The following PHF14 variants were observed in gnomAD, a reference collection of about 807,000 sequenced individuals.
PHF14 encodes PHD finger protein 14.
A neutral mutation model predicts 117.9 loss-of-function variants in PHF14; 55 were observed. The observed-to-expected ratio is 0.47, with a 90% CI of 0.38 to 0.58. PHF14 has a LOEUF of 0.58. Among genes scored for constraint, PHF14 ranks in the 20% least tolerant of loss-of-function variants. The pLI is 0.00. For synonymous variants in PHF14, 409 were observed against 368.6 expected (o/e 1.11, Z -1.26); for missense variants, 978 against 1,122.2 (o/e 0.87, Z 1.84).
At chr7:10,974,737 T>G (rs1781803676) in intron 1 of PHF14, 98 bp from the exon 2 acceptor site, 9 of 679,600 alleles carry the variant, frequency 1.3e-5, no homozygotes, top group African/African-American at 1.8e-5. Flanking sequence ...AGACAAAAAT[T>G]CCTTGTGCGA....
Position 11,036,418 on chromosome 7 carries a change from G to A in PHF14, c.1603G>A (p.Ala535Thr), listed in dbSNP as rs1784328398. 1 of 1,605,590 alleles carries A rather than the reference G, an allele frequency of 6.2e-7. No homozygotes were observed. The highest frequency in any genetic ancestry group is 1.3e-5 in the African/African-American group (1 of 74,814). ...REKQLSPEAQ[A>T]RINARLQQYR... ...AAATTTGAATACATTTCTTTTATAG[G>A]CAAGGATCAATGCCCGGCTTCAGCA... Residue 535 changes from alanine (A) to threonine (T), a missense_variant and splice_region_variant, in exon 9 of 18, where the codon GCA becomes ACA. Coordinates refer to ENST00000634607, the MANE Select transcript of PHF14 (RefSeq NM_001007157.2).
intron 4 of PHF14, among the ~76,000 whole-genome samples, chr7:11,005,109 T>G (rs1312188437): frequency 6.6e-6 from 1 of 152,174 alleles, no homozygotes; most frequent in East Asian, 1.9e-4. Flanking sequence ...GGTTTTTTTT[T>G]TCTATTTGTA....
chr7:11,106,038 A>G (rs1482286149), intron 16 of PHF14: 19 of 984,532 alleles, frequency 1.9e-5, no homozygotes, highest in African/African-American at 3.5e-5. Context: ...CAAAGCAGAC[A>G]TGTTTCAGGT....
intron 17 of PHF14, among the ~76,000 whole-genome samples, chr7:11,165,044 C>T (rs1265003632): frequency 6.6e-6 from 1 of 152,186 alleles, no homozygotes; most frequent in Non-Finnish European, 1.5e-5. Context: ...CCTGCCTCAG[C>T]CTCCCGAGTA....
rs748135754 is a variant in PHF14, at chr7:11,022,927, A to G, written c.1265A>G (p.Lys422Arg). 2 of 1,611,408 alleles carry G rather than the reference A, an allele frequency of 1.2e-6. No homozygotes were observed. The highest frequency in any genetic ancestry group is 1.3e-5 in the African/African-American group (1 of 75,010). Residue 422 changes from lysine (K) to arginine (R), a missense_variant, in exon 6 of 18, where the codon AAA (lysine) becomes AGA (arginine). This residue lies in a region of PHF14 where 86 missense variants were observed against 137.8 expected (regional missense o/e 0.62). Transcript: ENST00000634607. ...GGAGTAGCCTTTGGAGATATTGACA[A>G]ATTACGACCAGTAACACTAACGGAA... ...VPGVAFGDID[K>R]LRPVTLTEMN...
At chr7:10,992,476 A>G (rs1199328392) in intron 4 of PHF14, among the ~76,000 whole-genome samples, 1 of 151,316 alleles carries the variant, frequency 6.6e-6, no homozygotes, top group African/African-American at 2.4e-5. Flanking sequence ...CAGCCTGGCC[A>G]ACATGGCGAA....
At chr7:11,143,093 ATCTATAT>A (rs1314060315) in intron 17 of PHF14, among the ~76,000 whole-genome samples, 1 of 152,160 alleles carries the variant, frequency 6.6e-6, no homozygotes, top group African/African-American at 2.4e-5. Context: ...TACTTTGGGT[ATCTATAT>A]TTCTTGAATT....
chr7:11,148,647 G>A (rs921879336), intron 17 of PHF14, among the ~76,000 whole-genome samples: 5 of 152,092 alleles, frequency 3.3e-5, no homozygotes, highest in African/African-American at 9.7e-5. Context: ...AGGACGATAC[G>A]CTGTTGTTCA....
chr7:11,126,807 AC>A (rs1787942357), intron 17 of PHF14, among the ~76,000 whole-genome samples: 1 of 151,452 alleles, frequency 6.6e-6, no homozygotes, highest in Admixed American at 6.6e-5. Flanking sequence ...TCTGAATTTG[AC>A]ATCATTAAAC....
chr7:11,025,089 A>G (rs1238288112), intron 6 of PHF14, among the ~76,000 whole-genome samples: 1 of 152,192 alleles, frequency 6.6e-6, no homozygotes, highest in Non-Finnish European at 1.5e-5. Context: ...TTCATGGATA[A>G]CTTTGAAGGG....
chr7:11,111,509 C>A (rs780007248), intron 17 of PHF14, 42 bp downstream of exon 17: 1 of 931,586 alleles, frequency 1.1e-6, no homozygotes, highest in East Asian at 2.6e-5. Context: ...GGTGTCCTTC[C>A]GTTTGATAGC....
intron 3 of PHF14, among the ~76,000 whole-genome samples, chr7:10,990,054 T>C (rs1782390295): frequency 6.6e-6 from 1 of 151,996 alleles, no homozygotes; most frequent in South Asian, 2.1e-4. Flanking sequence ...CTGGATCCTT[T>C]TTTAGATTAT....
chr7:11,087,355 C>CAAAT, intron 16 of PHF14, among the ~76,000 whole-genome samples: 1 of 152,164 alleles, frequency 6.6e-6, no homozygotes, highest in Non-Finnish European at 1.5e-5. Flanking sequence ...CCATGCCCAG[C>CAAAT]TAATTTTTAT....
intron 16 of PHF14, among the ~76,000 whole-genome samples, chr7:11,067,870 C>T (rs1028115689): frequency 4.3e-4 from 65 of 152,134 alleles, no homozygotes; most frequent in African/African-American, 1.5e-3. Flanking sequence ...ATCAAAGGAA[C>T]TAATAGAGTT....
At chr7:11,117,296 G>A (rs181787684) in intron 17 of PHF14, among the ~76,000 whole-genome samples, 1 of 151,884 alleles carries the variant, frequency 6.6e-6, no homozygotes, top group Non-Finnish European at 1.5e-5. Context: ...TCTTAGCTTG[G>A]AGACTTCTAT....
At position 11,038,817 on chromosome 7, in the gene PHF14, C is replaced by A; in HGVS notation, c.2038C>A (p.Gln680Lys). 1.3e-6 allele frequency: 2 copies of A among 1,596,696 alleles called. No individual in the cohort carries two copies. Among genetic ancestry groups the A allele is most frequent in the Non-Finnish European group, 1.7e-6 (2 of 1,169,172 alleles). ...NLNGKLRSEG[Q>K]GIWALLGRIT... The stretch of plus-strand genomic sequence containing the variant: ...GAATGGAAAACTTCGAAGTGAAGGA[C>A]AAGGAATATGGGCTTTACTAGGCAG... Residue 680 changes from glutamine to lysine, a missense_variant, in exon 11 of 18, where the codon CAA becomes AAA. Physicochemically the swap from Gln to Lys is moderately conservative, Grantham distance 53. Around this residue, in one of 7 missense-constraint regions of PHF14, gnomAD observed 237 missense variants for 276.4 expected, o/e 0.86. Coordinates refer to ENST00000634607, the MANE Select transcript of PHF14 (RefSeq NM_001007157.2).
At position 11,169,387 on chromosome 7, in the gene PHF14, T is replaced by C. The variant is rs1426930803; in HGVS notation, c.2773-29T>C. The C allele has an allele frequency of 2.8e-6, 3 of 1,071,706 alleles. No homozygotes were observed. In the African/African-American group the frequency reaches 4.9e-5, roughly 17 times the overall value. The allele number at this position is 1,071,706 out of a possible 1,614,324, so 66.4% of individuals were successfully genotyped here. On this transcript the variant is annotated intron_variant, in intron 17 of 17. Transcript: ENST00000634607. ...CTGATAAATGCTCTAAAGTTTATAT[T>C]TTAATGTTTTCTAAAATTTATTTCA...
intron 5 of PHF14, among the ~76,000 whole-genome samples, chr7:11,020,001 A>T (rs939537254): frequency 6.6e-6 from 1 of 151,970 alleles, no homozygotes; most frequent in African/African-American, 2.4e-5. Flanking sequence ...GAAATGAAAT[A>T]TGGCTTTGAA....
chr7:11,160,326 A>C (rs6460790), intron 17 of PHF14, among the ~76,000 whole-genome samples: 78,507 of 152,038 alleles, frequency 0.52, 21,482 homozygotes, highest in East Asian at 0.82. Context: ...TAGGTTGATT[A>C]CATGTCTTCG....
Sources: allele counts gnomAD v4.1 joint callset (sites outside exome capture counted in the v4.1 genomes callset), GRCh38; gene constraint gnomAD v4.1.1; regional missense constraint gnomAD v4.1.1; transcripts MANE v1.5; gene names NCBI Gene and HGNC (gene_info 2026-07-23, HGNC 2026-07-21).